Variants in NCKAP1 observed in about 807,000 individuals in gnomAD.
NCKAP1 encodes the protein nck-associated protein 1.
In NCKAP1, 21 loss-of-function variants were observed where a neutral mutation model predicts 151.2. The ratio of observed to expected loss-of-function variants is 0.14; its 90% CI spans 0.10 to 0.20. The LOEUF is 0.20. Ranked by LOEUF, NCKAP1 falls within the 10% of genes least tolerant of loss-of-function variation. The pLI, the probability that NCKAP1 is intolerant of heterozygous loss-of-function variation, is 1.00. For synonymous variants in NCKAP1, 484 were observed against 451.8 expected, an observed-to-expected ratio of 1.07 and a Z score of -0.90; for missense variants, 933 against 1,352.1, an observed-to-expected ratio of 0.69 and a Z score of 4.86.
intron 8 of NCKAP1, among the ~76,000 whole-genome samples, chr2:182,990,114 TA>T (rs1270913499): frequency 6.6e-6 from 1 of 151,964 alleles, no homozygotes; most frequent in African/African-American, 2.4e-5. Flanking sequence ...ACATTTTTAA[TA>T]GCAATTTATA....
chr2:182,937,226 C>CA (rs1575016751), intron 24 of NCKAP1, among the ~76,000 whole-genome samples: 1 of 149,192 alleles, frequency 6.7e-6, no homozygotes, highest in East Asian at 2.0e-4. Flanking sequence ...AGAAATTAAT[C>CA]AAGTTCTCAA....
chr2:183,007,716 C>T (rs1010988041), intron 2 of NCKAP1, among the ~76,000 whole-genome samples: 1 of 152,096 alleles, frequency 6.6e-6, no homozygotes, highest in African/African-American at 2.4e-5. Flanking sequence ...TGTTCAAATT[C>T]TTAGTATGAT....
rs1329529782 is a variant in NCKAP1 at position 182,983,287 on chromosome 2, T to C, written c.1100A>G (p.Lys367Arg). The C allele has an allele frequency of 1.3e-6, 2 of 1,594,836 alleles. No homozygotes were observed. Reference protein sequence around the residue: ...LSDQPGLLGPKALFVFMALSF... With the variant: ...LSDQPGLLGPRALFVFMALSF... ...TGAAATAATAATTAAATGAATTACC[T>C]TGGGACCTAGCAATCCAGGTTGATC... The change falls in exon 11 of 31, where the codon AAG (lysine) becomes AGG (arginine). Residue 367 changes from lysine to arginine, a missense_variant and splice_region_variant. Lys to Arg is a conservative substitution (Grantham distance 26). Around this residue, in one of 2 missense-constraint regions of NCKAP1, gnomAD observed 607 missense variants for 795.0 expected, o/e 0.76. Transcript: ENST00000361354.
chr2:182,934,908 G>T, intron 25 of NCKAP1, 76 bp from the exon 26 acceptor site: 5 of 665,628 alleles, frequency 7.5e-6, no homozygotes, highest in South Asian at 5.1e-5. Flanking sequence ...ATTACCAATT[G>T]ATTAATTTTA....
chr2:182,959,632 T>C (rs1211120753), intron 18 of NCKAP1, among the ~76,000 whole-genome samples: 3 of 152,112 alleles, frequency 2.0e-5, no homozygotes, highest in African/African-American at 7.2e-5. Flanking sequence ...GCCAATATTA[T>C]ACTGAATGGG....
At chr2:182,971,615 A>G (rs1040447500) in intron 15 of NCKAP1, among the ~76,000 whole-genome samples, 2 of 152,104 alleles carry the variant, frequency 1.3e-5, no homozygotes, top group African/African-American at 4.8e-5. Flanking sequence ...GAAAAGTACA[A>G]TCCAAAAAGT....
At chr2:182,948,036 CATT>C (rs1304389159) in intron 23 of NCKAP1, among the ~76,000 whole-genome samples, 33 of 152,054 alleles carry the variant, frequency 2.2e-4, no homozygotes, top group Non-Finnish European at 5.9e-5. Flanking sequence ...CACTATAAAA[CATT>C]ATACAATTCC....
chr2:183,018,478 T>C (rs1028946706), intron 2 of NCKAP1, among the ~76,000 whole-genome samples: 3 of 152,024 alleles, frequency 2.0e-5, no homozygotes, highest in African/African-American at 4.8e-5. Context: ...TCCTTCTAAG[T>C]CCTTACCAAA....
At chr2:182,974,331 G>A (rs776055761) in intron 15 of NCKAP1, among the ~76,000 whole-genome samples, 1 of 151,142 alleles carries the variant, frequency 6.6e-6, no homozygotes, top group Non-Finnish European at 1.5e-5. Context: ...TTCTAAACGT[G>A]GTTAACAGCA....
In NCKAP1 at chr2:182,917,359, C is replaced by G. The variant is rs1273480876; in HGVS notation, c.*8343G>C. ...GACTATTACTGCATAAACATAAGAT[C>G]AGCATATATGCGGCAACACAGCACA... On this transcript the variant is annotated 3_prime_UTR_variant, in exon 31 of 31. Coordinates refer to ENST00000361354, the MANE Select transcript of NCKAP1 (RefSeq NM_013436.5). 2 of 152,144 alleles carry G rather than the reference C, an allele frequency of 1.3e-5. No homozygotes were observed. The highest frequency in any genetic ancestry group is 2.9e-5 in the Non-Finnish European group (2 of 68,030). The allele number at this position is 152,144 out of a possible 1,614,324, so 9.4% of individuals were successfully genotyped here.
At chr2:182,954,263 A>AAC (rs67497093) in intron 20 of NCKAP1, among the ~76,000 whole-genome samples, 143,559 of 152,126 alleles carry the variant, frequency 0.94, 67,856 homozygotes, top group East Asian at 0.99. Flanking sequence ...TAGCATATAA[A>AAC]ACAGTTCTGT....
intron 1 of NCKAP1, among the ~76,000 whole-genome samples, chr2:183,037,519 C>CT (rs1433274518): frequency 3.3e-5 from 5 of 152,226 alleles, no homozygotes; most frequent in Non-Finnish European, 7.3e-5. Flanking sequence ...CAGCCCTTCT[C>CT]TACCCACATT....
chr2:182,979,671 A>G (rs566163018), intron 13 of NCKAP1, among the ~76,000 whole-genome samples: 28 of 152,102 alleles, frequency 1.8e-4, no homozygotes, highest in Non-Finnish European at 3.1e-4. Context: ...CAGGTTTACA[A>G]CCTTAGTTCT....
intron 23 of NCKAP1, among the ~76,000 whole-genome samples, chr2:182,947,777 A>AT (rs1697137331): frequency 2.0e-5 from 3 of 152,200 alleles, no homozygotes; most frequent in Admixed American, 2.0e-4. Context: ...CACTGACAGA[A>AT]TAACTTTTAG....
chr2:183,037,618 C>G (rs1474710123), intron 1 of NCKAP1, among the ~76,000 whole-genome samples: 2 of 152,322 alleles, frequency 1.3e-5, no homozygotes, highest in East Asian at 3.9e-4. Flanking sequence ...TTTTCCTACC[C>G]ACCTAGAATT....
intron 8 of NCKAP1, among the ~76,000 whole-genome samples, chr2:182,992,209 A>G (rs1268560276): frequency 6.6e-6 from 1 of 152,220 alleles, no homozygotes; most frequent in African/African-American, 2.4e-5. Context: ...GAAAAATCCT[A>G]GTCTGGGTAG....
rs139327929 is a variant in NCKAP1, at chr2:182,928,744, G to T, written c.3070+39C>A. ...TTTATTATAAAATACCAAAACCCAT[G>T]ATTTATTCATCGCCAAAACAATTTT... On this transcript the variant is annotated intron_variant, in intron 28 of 30. Transcript: ENST00000361354. 4.5e-4 allele frequency: 602 copies of T among 1,344,294 alleles called. 2 individuals carry two copies. The African/African-American group carries it at 8.0e-3, about 18-fold the overall frequency. The allele number at this position is 1,344,294 out of a possible 1,614,324, so 83.3% of individuals were successfully genotyped here.
chr2:182,929,277 T>C (rs1575011528), intron 27 of NCKAP1, among the ~76,000 whole-genome samples: 2 of 152,006 alleles, frequency 1.3e-5, no homozygotes, highest in African/African-American at 2.4e-5. Flanking sequence ...CAGTTCTATT[T>C]ACAATTTAGA....
intron 25 of NCKAP1, 96 bp downstream of exon 25, chr2:182,935,197 C>A (rs771527138): frequency 7.3e-5 from 61 of 838,976 alleles, no homozygotes; most frequent in Non-Finnish European, 1.1e-4. Context: ...TTAATTATAT[C>A]ATTGCTAAGC....
Sources: allele counts gnomAD v4.1 joint callset (sites outside exome capture counted in the v4.1 genomes callset), GRCh38; gene constraint gnomAD v4.1.1; regional missense constraint gnomAD v4.1.1; transcripts MANE v1.5; gene names NCBI Gene and HGNC (gene_info 2026-07-23, HGNC 2026-07-21).